The following VWA5A variants were observed in gnomAD, a reference collection of about 807,000 sequenced individuals.
VWA5A encodes von Willebrand factor A domain-containing protein 5A.
Under a neutral mutation model 84.6 loss-of-function variants are expected in VWA5A, and 77 were observed. The observed-to-expected ratio is 0.91, with a 90% CI of 0.76 to 1.10. The LOEUF is 1.10. VWA5A is among the 50% of genes least tolerant of loss of function. The pLI is 0.00. For missense variants in VWA5A, 973 were observed against 963.0 expected (o/e 1.01, Z -0.14); for synonymous variants, 334 against 350.1 (o/e 0.95, Z 0.51).
chr11:124,117,452 A>C (rs1864849594), intron 2 of VWA5A, 45 bp from the exon 3 acceptor site: 3 of 1,579,338 alleles, frequency 1.9e-6, no homozygotes, highest in African/African-American at 1.3e-5. Context: ...GTTTGAACAG[A>C]TAACTTCCAA....
chr11:124,141,799 C>A, intron 16 of VWA5A, 58 bp downstream of exon 16: 2 of 1,572,850 alleles, frequency 1.3e-6, no homozygotes, highest in Non-Finnish European at 8.6e-7. Flanking sequence ...ATATACAGGA[C>A]TAGGCAAGCT....
In VWA5A at chr11:124,124,227, C is replaced by A. The variant is rs752933392; in HGVS notation, c.1165-10C>A. 32 of 1,610,940 alleles carry A rather than the reference C, an allele frequency of 2.0e-5. No individual in the cohort carries two copies. Among genetic ancestry groups the A allele is most frequent in the Non-Finnish European group, 2.5e-5 (30 of 1,178,406 alleles). ...CAAAGACCTGATGAACATTTTCTTT[C>A]TTTGTATAGCTTTTTGTCTTTACAG... On this transcript the variant is annotated splice_polypyrimidine_tract_variant and intron_variant, in intron 10 of 18. Coordinates refer to ENST00000456829, the MANE Select transcript of VWA5A (RefSeq NM_001130142.2).
At position 124,129,658 on chromosome 11, in the gene VWA5A, C is replaced by T. The variant is rs1865069114; in HGVS notation, c.1245-5262C>T. ...ATTAATTACTGCCTCAATTTCGGAA[C>T]TTGTTATTGGTCTATTCAGGGATTC... is the stretch of plus-strand genomic sequence containing the variant. On this transcript the variant is annotated intron_variant, in intron 11 of 18. Coordinates refer to ENST00000456829, the MANE Select transcript of VWA5A (RefSeq NM_001130142.2). 3.9e-5 allele frequency among the ~76,000 whole-genome samples: 6 copies of T among 152,044 alleles called. No homozygotes were observed. In the South Asian group the frequency reaches 1.2e-3, roughly 32 times the overall value.
Position 124,122,963 on chromosome 11 carries a change from A to T in VWA5A, c.764A>T (p.His255Leu), listed in dbSNP as rs752209986. Residue 255 changes from histidine to leucine, a missense_variant, in exon 8 of 19, where the codon CAT (histidine) becomes CTT (leucine). His to Leu is a moderately conservative substitution (Grantham distance 99). Transcript: ENST00000456829. ...TGGCTTTATCCTTTCTGAACAGGTC[A>T]TTTGATGGGAGATCCATCTGCAATG... ...EMGMPNMKPG[H>L]LMGDPSAMVS... The T allele has an allele frequency of 6.2e-7, 1 of 1,613,078 alleles. No homozygotes were observed.
chr11:124,137,847 G>T (rs1475356220), intron 15 of VWA5A, among the ~76,000 whole-genome samples: 1 of 151,880 alleles, frequency 6.6e-6, no homozygotes, highest in East Asian at 1.9e-4. Context: ...TTATATATTT[G>T]TTCTGGACTT....
At position 124,119,482 on chromosome 11, in the gene VWA5A, G is replaced by A. The variant is rs574695420; in HGVS notation, c.760+393G>A. Among the ~76,000 whole-genome samples, 3 of 152,326 alleles carry A rather than the reference G, an allele frequency of 2.0e-5. No individual in the cohort carries two copies. In the South Asian group the frequency reaches 6.2e-4, roughly 32 times the overall value. ...TTAAAAGGTTTTCTTAAGGTTGTGA[G>A]TGTGCTAAAAAGTGAACTAACCTTT... On this transcript the variant is annotated intron_variant, in intron 7 of 18. Coordinates refer to ENST00000456829, the MANE Select transcript of VWA5A (RefSeq NM_001130142.2).
In VWA5A at chr11:124,118,261, A is replaced by T; in HGVS notation, c.319A>T (p.Arg107Trp). The change falls in exon 5 of 19, where the codon AGG becomes TGG. Residue 107 changes from arginine to tryptophan, a missense_variant. Physicochemically the swap from Arg to Trp is moderately radical, Grantham distance 101. Coordinates refer to ENST00000456829, the MANE Select transcript of VWA5A (RefSeq NM_001130142.2). ...AFLLEGDSSS[R>W]DVFSCNVGNL... ...CTTATTGGAGGGGGACAGCAGCTCC[A>T]GGGATGTCTTCTCTTGCAATGTGGG... The T allele has an allele frequency of 6.2e-7, 1 of 1,614,208 alleles. No individual in the cohort carries two copies. Among genetic ancestry groups the T allele is most frequent in the Non-Finnish European group, 8.5e-7 (1 of 1,180,042 alleles).
intron 11 of VWA5A, among the ~76,000 whole-genome samples, chr11:124,126,668 A>G: frequency 6.6e-6 from 1 of 152,066 alleles, no homozygotes; most frequent in Admixed American, 6.5e-5. Context: ...CTGAAGCAGG[A>G]GAATTGCTTG....
chr11:124,139,172 T>G lies in VWA5A; in HGVS notation c.1879+1904T>G, dbSNP rs139396859. Among the ~76,000 whole-genome samples, 861 of 152,240 alleles carry G rather than the reference T, an allele frequency of 5.7e-3. 9 individuals carry two copies. Among genetic ancestry groups the G allele is most frequent in the African/African-American group, 0.02 (813 of 41,530 alleles). On this transcript the variant is annotated intron_variant, in intron 15 of 18. Coordinates refer to ENST00000456829, the MANE Select transcript of VWA5A (RefSeq NM_001130142.2). ...AAGTACCATGCTGTTTTGGTTACTATAGCTTTGTAGTATATTTTGAAGTCA... is the reference window on the plus strand; with the variant it reads ...AAGTACCATGCTGTTTTGGTTACTAGAGCTTTGTAGTATATTTTGAAGTCA...
At chr11:124,143,863 G>GAATC (rs1456642110) in intron 17 of VWA5A, among the ~76,000 whole-genome samples, 2 of 151,992 alleles carry the variant, frequency 1.3e-5, no homozygotes, top group East Asian at 3.9e-4. Flanking sequence ...CCAGGCCAAT[G>GAATC]AATCAAGTGA....
At chr11:124,124,113 T>C in intron 10 of VWA5A, 124 bp from the exon 11 acceptor site, 1 of 979,062 alleles carries the variant, frequency 1.0e-6, no homozygotes, top group Non-Finnish European at 1.5e-6. Flanking sequence ...ATTAGGGATT[T>C]CATGCCTCTT....
At position 124,137,179 on chromosome 11, in the gene VWA5A, A is replaced by G. The variant is rs925103482; in HGVS notation, c.1790A>G (p.Lys597Arg). The G allele has an allele frequency of 1.2e-6, 2 of 1,613,962 alleles. No homozygotes were observed. Among genetic ancestry groups the G allele is most frequent in the African/African-American group, 2.7e-5 (2 of 74,878 alleles). ...ATTGCTATCAATAAGGAGCTCAACA[A>G]GCCGGTTCAGGGGCCTCTGGCTCAT... ...AFIAINKELN[K>R]PVQGPLAHRD... The change falls in exon 15 of 19, where the codon AAG (lysine) becomes AGG (arginine). Residue 597 changes from lysine (K) to arginine (R), a missense_variant. Coordinates refer to ENST00000456829, the MANE Select transcript of VWA5A (RefSeq NM_001130142.2).
rs1410355751 is a variant in VWA5A, at chr11:124,135,092, G to A, written c.1359+58G>A. On this transcript the variant is annotated intron_variant, in intron 12 of 18. Coordinates refer to ENST00000456829, the MANE Select transcript of VWA5A (RefSeq NM_001130142.2). Reference sequence around the variant, plus strand: ...GTGGCAATCCAGACCAAAGTGGAACGGGGTGGGGAACACTGTGTAAGGGCA... The same window carrying A: ...GTGGCAATCCAGACCAAAGTGGAACAGGGTGGGGAACACTGTGTAAGGGCA... The A allele has an allele frequency of 2.2e-5, 33 of 1,468,752 alleles. No homozygotes were observed. The East Asian group carries it at 3.2e-4, about 14-fold the overall frequency. The allele number at this position is 1,468,752 out of a possible 1,614,324, so 91.0% of individuals were successfully genotyped here.
chr11:124,141,806 A>G, intron 16 of VWA5A, 65 bp downstream of exon 16: 1 of 1,556,498 alleles, frequency 6.4e-7, no homozygotes, highest in Non-Finnish European at 8.7e-7. Context: ...GGACTAGGCA[A>G]GCTAAAAGCT....
intron 11 of VWA5A, among the ~76,000 whole-genome samples, chr11:124,126,115 T>C (rs77739816): frequency 0.014 from 2,082 of 152,338 alleles, 39 homozygotes; most frequent in African/African-American, 0.047. Flanking sequence ...GTGCTAGAAC[T>C]ACACCATATA....
intron 17 of VWA5A, among the ~76,000 whole-genome samples, chr11:124,144,802 A>G (rs565362516): frequency 2.0e-5 from 3 of 152,318 alleles, no homozygotes; most frequent in African/African-American, 7.2e-5. Flanking sequence ...TGAGCAAATC[A>G]TTTTGTTAAT....
At chr11:124,118,783 T>A (rs954162487) in intron 6 of VWA5A, 75 bp downstream of exon 6, 2 of 1,531,958 alleles carry the variant, frequency 1.3e-6, no homozygotes, top group Non-Finnish European at 1.8e-6. Context: ...AACCAGTTCT[T>A]CCCAAGTGGT....
chr11:124,134,994 C>T lies in VWA5A; in HGVS notation c.1319C>T (p.Thr440Ile), dbSNP rs367908177. The change falls in exon 12 of 19, where the codon ACC becomes ATC. Residue 440 changes from threonine (T) to isoleucine (I), a missense_variant. By Grantham distance (89) the Thr-to-Ile change is moderately conservative. Transcript: ENST00000456829. Reference sequence around the variant, plus strand: ...GGTATTGCCCGGGCATCAGGGGGCACCTCAGAATTTATCACAGGCAAAGAC... The same window carrying T: ...GGTATTGCCCGGGCATCAGGGGGCATCTCAGAATTTATCACAGGCAAAGAC... ...IKGIARASGGTSEFITGKDRM... is the reference protein window; with the variant it reads ...IKGIARASGGISEFITGKDRM... 161 of 1,613,458 alleles carry T rather than the reference C, an allele frequency of 1.0e-4. 1 individual carries two copies. The highest frequency in any genetic ancestry group is 1.3e-4 in the Non-Finnish European group (154 of 1,179,788).
In VWA5A at chr11:124,137,269, G is replaced by A; in HGVS notation, c.1879+1G>A. ...CCATTGAAGATAAAATGCCAATCAG[G>A]TAATGAGTTTTATTCCATTCAAACT... On this transcript the variant is annotated splice_donor_variant, in intron 15 of 18. Transcript: ENST00000456829. LOFTEE classifies it high-confidence loss of function. 1.2e-6 allele frequency: 2 copies of A among 1,613,742 alleles called. No homozygotes were observed. Among genetic ancestry groups the A allele is most frequent in the Non-Finnish European group, 1.7e-6 (2 of 1,179,862 alleles).
Sources: allele counts gnomAD v4.1 joint callset (sites outside exome capture counted in the v4.1 genomes callset), GRCh38; gene constraint gnomAD v4.1.1; transcripts MANE v1.5; gene names NCBI Gene and HGNC (gene_info 2026-07-23, HGNC 2026-07-21).